The following SGCE variants were observed in gnomAD, a reference collection of about 807,000 sequenced individuals.
SGCE encodes the protein sarcoglycan epsilon.
SGCE carries 26 observed loss-of-function variants against 57.8 expected under a neutral mutation model. The ratio of observed to expected loss-of-function variants is 0.45; its 90% CI spans 0.33 to 0.62. The LOEUF is 0.62. Among genes scored for constraint, SGCE ranks in the 20% least tolerant of loss-of-function variants. SGCE has a pLI of 0.02. For synonymous variants in SGCE, 183 were observed against 189.5 expected, an observed-to-expected ratio of 0.97 and a Z score of 0.28; for missense variants, 468 against 548.6, an observed-to-expected ratio of 0.85 and a Z score of 1.47.
chr7:94,647,612 G>C (rs1259145153), intron 1 of SGCE, among the ~76,000 whole-genome samples: 1 of 152,176 alleles, frequency 6.6e-6, no homozygotes, highest in Non-Finnish European at 1.5e-5. Flanking sequence ...TGTCTACCAG[G>C]TCCTGCAAAA....
At chr7:94,607,619 C>A (rs904677601) in intron 5 of SGCE, among the ~76,000 whole-genome samples, 1 of 152,072 alleles carries the variant, frequency 6.6e-6, no homozygotes, top group Non-Finnish European at 1.5e-5. Context: ...AAAAAAAATT[C>A]TTAGTAAACT....
At chr7:94,623,518 T>C (rs573851796) in intron 3 of SGCE, 121 bp from the exon 4 acceptor site, 2 of 692,844 alleles carry the variant, frequency 2.9e-6, no homozygotes, top group Non-Finnish European at 5.1e-6. Flanking sequence ...TTGATATACT[T>C]ACAAAATATT....
At chr7:94,611,936 A>G (rs1471286899) in intron 5 of SGCE, among the ~76,000 whole-genome samples, 1 of 152,206 alleles carries the variant, frequency 6.6e-6, no homozygotes, top group Non-Finnish European at 1.5e-5. Flanking sequence ...AATTCAGAAC[A>G]AAAGTAGAGA....
intron 9 of SGCE, among the ~76,000 whole-genome samples, chr7:94,596,571 G>A (rs898018088): frequency 1.3e-5 from 2 of 152,034 alleles, no homozygotes. Context: ...CACACTAAGG[G>A]ACTGAAGACT....
At chr7:94,606,637 A>AGG (rs1480047097) in intron 5 of SGCE, among the ~76,000 whole-genome samples, 12 of 152,324 alleles carry the variant, frequency 7.9e-5, no homozygotes, top group Non-Finnish European at 1.5e-4. Context: ...GTTTTAATAG[A>AGG]CACTTAGAGA....
chr7:94,609,980 T>C (rs1406216990), intron 5 of SGCE, among the ~76,000 whole-genome samples: 1 of 152,150 alleles, frequency 6.6e-6, no homozygotes, highest in Non-Finnish European at 1.5e-5. Context: ...AGGTGAATGA[T>C]AATTAAACCG....
At chr7:94,593,005 C>T (rs1465630318) in intron 9 of SGCE, among the ~76,000 whole-genome samples, 1 of 152,060 alleles carries the variant, frequency 6.6e-6, no homozygotes, top group Admixed American at 6.6e-5. Flanking sequence ...CAACAGGACA[C>T]CATAATCTTA....
At chr7:94,629,862 T>C (rs1045510249) in intron 1 of SGCE, 21 bp from the exon 2 acceptor site, 2 of 1,609,374 alleles carry the variant, frequency 1.2e-6, no homozygotes, top group African/African-American at 1.3e-5. Flanking sequence ...AGAGGAAAGA[T>C]AAGTGACAGA....
intron 5 of SGCE, among the ~76,000 whole-genome samples, chr7:94,604,858 T>TATATATATATAA (rs1491355835): frequency 1.1e-4 from 8 of 75,226 alleles, no homozygotes; most frequent in Non-Finnish European, 2.1e-4. Flanking sequence ...TATATATATA[T>TATATATATATAA]AATAGTTGTT....
intron 1 of SGCE, among the ~76,000 whole-genome samples, chr7:94,636,873 G>T (rs1038561535): frequency 6.6e-6 from 1 of 152,136 alleles, no homozygotes; most frequent in African/African-American, 2.4e-5. Flanking sequence ...AGACCAGCCT[G>T]GCCAACATGG....
At chr7:94,650,713 A>C (rs1004651480) in intron 1 of SGCE, among the ~76,000 whole-genome samples, 60 of 152,242 alleles carry the variant, frequency 3.9e-4, no homozygotes, top group African/African-American at 1.4e-3. Context: ...TATTTAAAGA[A>C]CAGAATAAAT....
chr7:94,628,758 CA>C, intron 2 of SGCE: 1 of 166,796 alleles, frequency 6.0e-6, no homozygotes, highest in Non-Finnish European at 1.3e-5. Flanking sequence ...AAAGATATTC[CA>C]AAATTATAAA....
intron 5 of SGCE, among the ~76,000 whole-genome samples, chr7:94,605,216 C>T (rs935413106): frequency 5.3e-5 from 8 of 151,890 alleles, no homozygotes; most frequent in African/African-American, 1.9e-4. Flanking sequence ...AAATTTAAAA[C>T]AACTATGACT....
chr7:94,599,513 C>A, intron 8 of SGCE, 184 bp downstream of exon 8: 1 of 584,424 alleles, frequency 1.7e-6, no homozygotes, highest in Non-Finnish European at 3.1e-6. Context: ...GTTTTCAAAC[C>A]CTTTTTAGTT....
In SGCE at chr7:94,624,331, T is replaced by C. The variant is rs1803360013; in HGVS notation, c.391-934A>G. On this transcript the variant is annotated intron_variant, in intron 3 of 10. Transcript: ENST00000648936. ...TTTTAAAACAAATATCAAAGATTTTTATACATTACATGTGTCAAAAAATAA... is the reference window on the plus strand; with the variant it reads ...TTTTAAAACAAATATCAAAGATTTTCATACATTACATGTGTCAAAAAATAA... The C allele has an allele frequency of 7.5e-6, 3 of 397,590 alleles. No individual in the cohort carries two copies. In the East Asian group the frequency reaches 1.1e-4, roughly 14 times the overall value. The allele number at this position is 397,590 out of a possible 1,614,324, so 24.6% of individuals were successfully genotyped here. A position where few individuals can be genotyped will look rare whatever the true frequency, so the allele number is the denominator to read the frequency against.
At chr7:94,597,015 T>A (rs1798497306) in intron 9 of SGCE, among the ~76,000 whole-genome samples, 1 of 152,170 alleles carries the variant, frequency 6.6e-6, no homozygotes, top group Non-Finnish European at 1.5e-5. Context: ...ACAATATTCT[T>A]GAAATTTTAC....
At chr7:94,601,470 A>C (rs1012141174) in intron 6 of SGCE, among the ~76,000 whole-genome samples, 4 of 130,092 alleles carry the variant, frequency 3.1e-5, no homozygotes, top group South Asian at 4.7e-4. Flanking sequence ...AAAAAAAAAA[A>C]AAAAAACTAC....
intron 1 of SGCE, chr7:94,639,332 T>C: frequency 2.0e-6 from 3 of 1,498,964 alleles, no homozygotes; most frequent in Non-Finnish European, 2.7e-6. Flanking sequence ...ATTTACAACC[T>C]AAACTCACCA....
At chr7:94,587,013 G>C in intron 10 of SGCE, 1 of 982,932 alleles carries the variant, frequency 1.0e-6, no homozygotes, top group Non-Finnish European at 1.2e-6. Flanking sequence ...AAACAAGAAG[G>C]TAATAGGCTC....
Sources: gnomAD v4.1 joint callset for allele counts (sites outside exome capture counted in the v4.1 genomes callset) on GRCh38, gnomAD v4.1.1 for gene constraint, MANE v1.5 for transcripts, NCBI Gene and HGNC (gene_info 2026-07-23, HGNC 2026-07-21) for gene names.